Variants in MUSK observed in about 807,000 individuals in gnomAD.
MUSK encodes muscle, skeletal receptor tyrosine-protein kinase.
In MUSK, 55 loss-of-function variants were observed where a neutral mutation model predicts 88.7. The ratio of observed to expected loss-of-function variants is 0.62; its 90% confidence interval spans 0.50 to 0.78. MUSK has a LOEUF of 0.78. Among genes scored for constraint, MUSK ranks in the 30% least tolerant of loss-of-function variants. MUSK has a pLI of 0.00. For missense variants in MUSK, 1,015 were observed against 1,074.3 expected, an observed-to-expected ratio of 0.94 and a Z score of 0.77; for synonymous variants, 387 against 391.9, an observed-to-expected ratio of 0.99 and a Z score of 0.15.
intron 6 of MUSK, among the ~76,000 whole-genome samples, chr9:110,741,689 C>T (rs1322681864): frequency 6.6e-6 from 1 of 151,956 alleles, no homozygotes; most frequent in Admixed American, 6.6e-5. Context: ...TCATTTTTTT[C>T]GTAATTTGTT....
intron 5 of MUSK, among the ~76,000 whole-genome samples, chr9:110,721,305 T>C (rs2076808364): frequency 6.6e-6 from 1 of 152,196 alleles, no homozygotes; most frequent in Non-Finnish European, 1.5e-5. Flanking sequence ...AGAATGTCAC[T>C]GTTTGCTGAT....
rs117299133 is a variant in MUSK at position 110,705,547 on chromosome 9, T to C, written c.628+8081T>C. ...TGGAAATCTGAAATTTATGATTTTATAGTCTGGAATAGTTTGCAGGATCCA... is the reference window on the plus strand; with the variant it reads ...TGGAAATCTGAAATTTATGATTTTACAGTCTGGAATAGTTTGCAGGATCCA... On this transcript the variant is annotated intron_variant, in intron 5 of 14. Coordinates refer to ENST00000374448, the MANE Select transcript of MUSK (RefSeq NM_005592.4). Among the ~76,000 whole-genome samples, 206 of 152,360 alleles carry C rather than the reference T, an allele frequency of 1.4e-3. 2 individuals carry two copies. Among genetic ancestry groups the C allele is most frequent in the Middle Eastern group, 6.8e-3 (2 of 294 alleles).
chr9:110,752,654 C>T (rs1157566188), intron 7 of MUSK, among the ~76,000 whole-genome samples: 3 of 152,196 alleles, frequency 2.0e-5, no homozygotes, highest in Non-Finnish European at 4.4e-5. Flanking sequence ...ATTTCTACTC[C>T]ATCTGTTTAT....
At chr9:110,773,471 G>A (rs1475470918) in intron 9 of MUSK, among the ~76,000 whole-genome samples, 3 of 151,934 alleles carry the variant, frequency 2.0e-5, no homozygotes, top group East Asian at 1.9e-4. Flanking sequence ...TCATAATCAT[G>A]TATAAGTAGA....
intron 7 of MUSK, among the ~76,000 whole-genome samples, chr9:110,748,720 G>C (rs2077209987): frequency 6.6e-6 from 1 of 152,162 alleles, no homozygotes; most frequent in Non-Finnish European, 1.5e-5. Context: ...TCTTATTACA[G>C]TGCCACCTCT....
chr9:110,740,625 G>T (rs984854001), intron 6 of MUSK, among the ~76,000 whole-genome samples: 7 of 152,160 alleles, frequency 4.6e-5, no homozygotes, highest in Non-Finnish European at 8.8e-5. Context: ...AAAGCAGGAA[G>T]TTACCCTGTC....
Position 110,747,730 on chromosome 9 carries a change from A to G in MUSK, c.843A>G (p.Thr281=), listed in dbSNP as rs909453076. ...TTATCACCAAGCCAGGACTCTACAC[A>G]TGCATAGCTACCAATAAGCATGGGG... ...QLFITKPGLY[T]CIATNKHGEK... Residue 281 remains threonine (T), a synonymous_variant, in exon 7 of 15, where the codon ACA becomes ACG. Coordinates refer to ENST00000374448, the MANE Select transcript of MUSK (RefSeq NM_005592.4). The G allele has an allele frequency of 3.1e-6, 5 of 1,613,764 alleles. No individual in the cohort carries two copies. In the African/African-American group the frequency reaches 5.3e-5, roughly 17 times the overall value.
chr9:110,748,077 T>C (rs2077198894), intron 7 of MUSK: 4 of 568,956 alleles, frequency 7.0e-6, no homozygotes, highest in South Asian at 6.3e-5. Context: ...TTCTTATCTT[T>C]TTTCCTTTTC....
chr9:110,717,325 T>A (rs950399371), intron 5 of MUSK, among the ~76,000 whole-genome samples: 2 of 149,858 alleles, frequency 1.3e-5, no homozygotes, highest in African/African-American at 5.1e-5. Flanking sequence ...CATTTTAATA[T>A]ACATATATGA....
intron 1 of MUSK, among the ~76,000 whole-genome samples, chr9:110,679,180 T>G (rs2076073288): frequency 2.0e-5 from 3 of 152,042 alleles, no homozygotes; most frequent in Admixed American, 2.0e-4. Flanking sequence ...CTGAAGGAGA[T>G]CTCTTAAAGG....
intron 6 of MUSK, among the ~76,000 whole-genome samples, chr9:110,746,809 T>C (rs182894159): frequency 1.4e-4 from 22 of 152,246 alleles, no homozygotes; most frequent in Admixed American, 1.3e-3. Context: ...TGAGGTATTA[T>C]GTATGTATTA....
intron 3 of MUSK, 105 bp from the exon 4 acceptor site, chr9:110,695,297 CA>C: frequency 1.2e-6 from 1 of 813,230 alleles, no homozygotes; most frequent in Non-Finnish European, 1.8e-6. Context: ...TAACATGCCT[CA>C]AATGATTCTC....
intron 5 of MUSK, chr9:110,727,322 T>C (rs1332349712): frequency 6.6e-6 from 1 of 152,108 alleles, no homozygotes; most frequent in Non-Finnish European, 1.5e-5. Flanking sequence ...TTTCTGGCTC[T>C]GCACCTGCAG....
intron 5 of MUSK, chr9:110,728,605 G>A (rs2076919205): frequency 1.1e-6 from 1 of 877,632 alleles, no homozygotes; most frequent in Non-Finnish European, 1.8e-6. Context: ...TGTTTCTGTG[G>A]TCAAAGATTT....
intron 7 of MUSK, among the ~76,000 whole-genome samples, chr9:110,757,091 T>A: frequency 6.6e-6 from 1 of 152,144 alleles, no homozygotes; most frequent in Non-Finnish European, 1.5e-5. Context: ...CTAAAACCAG[T>A]TTGCCTTAAC....
rs148323327 is a variant in MUSK at position 110,721,620 on chromosome 9, G to A, written c.629-12631G>A. ...GCACAAAGAAATGGAAACACATCCC[G>A]TGCTCATAGATAGGTAGAATCAATA... On this transcript the variant is annotated intron_variant, in intron 5 of 14. Coordinates refer to ENST00000374448, the MANE Select transcript of MUSK (RefSeq NM_005592.4). Among the ~76,000 whole-genome samples, 1,486 of 152,142 alleles carry A rather than the reference G, an allele frequency of 9.8e-3. 27 individuals are homozygous for A. The highest frequency in any genetic ancestry group is 0.034 in the African/African-American group (1,409 of 41,520).
At chr9:110,674,267 C>A (rs890530395) in intron 1 of MUSK, among the ~76,000 whole-genome samples, 1 of 152,058 alleles carries the variant, frequency 6.6e-6, no homozygotes, top group Admixed American at 6.5e-5. Context: ...TACAGATAAC[C>A]TCAAGAACTT....
At chr9:110,692,006 T>C (rs897187083) in intron 3 of MUSK, among the ~76,000 whole-genome samples, 1 of 152,170 alleles carries the variant, frequency 6.6e-6, no homozygotes, top group African/African-American at 2.4e-5. Context: ...GTAAATCTGA[T>C]GTCTCTCTTA....
At chr9:110,739,914 T>C (rs1044233880) in intron 6 of MUSK, among the ~76,000 whole-genome samples, 2 of 152,132 alleles carry the variant, frequency 1.3e-5, no homozygotes, top group African/African-American at 4.8e-5. Context: ...CTGTCCAACT[T>C]TTTGGTATCT....
Sources: allele counts gnomAD v4.1 joint callset (sites outside exome capture counted in the v4.1 genomes callset), GRCh38; gene constraint gnomAD v4.1.1; transcripts MANE v1.5; gene names NCBI Gene and HGNC (gene_info 2026-07-23, HGNC 2026-07-21).